The following MICAL3 variants were observed in gnomAD, a reference collection of about 807,000 sequenced individuals.
The protein encoded by MICAL3 is microtubule associated monooxygenase, calponin and LIM domain containing 3.
Under a neutral mutation model 207.4 loss-of-function variants are expected in MICAL3, and 62 were observed. The observed-to-expected ratio is 0.30, with a 90% CI of 0.24 to 0.37. MICAL3 has a LOEUF of 0.37. Ranked by LOEUF, MICAL3 falls within the 10% of genes least tolerant of loss-of-function variation. The pLI, the probability that MICAL3 is intolerant of heterozygous loss-of-function variation, is 1.00. For synonymous variants in MICAL3, 1,077 were observed against 1,069.3 expected, an observed-to-expected ratio of 1.01 and a Z score of -0.14; for missense variants, 2,368 against 2,635.6, an observed-to-expected ratio of 0.90 and a Z score of 2.22.
At chr22:17,848,092 T>A (rs1379525174) in intron 19 of MICAL3, among the ~76,000 whole-genome samples, 1 of 152,182 alleles carries the variant, frequency 6.6e-6, no homozygotes, top group African/African-American at 2.4e-5. Flanking sequence ...AGGGGAGATG[T>A]AAGGAAGAGA....
intron 16 of MICAL3, chr22:17,884,462 G>A (rs902132457): frequency 1.3e-5 from 11 of 818,238 alleles, no homozygotes; most frequent in Non-Finnish European, 2.1e-5. Context: ...ACAGGCGACA[G>A]CCCCATATCT....
intron 1 of MICAL3, among the ~76,000 whole-genome samples, chr22:18,021,214 G>C (rs1290595250): frequency 1.3e-5 from 2 of 152,168 alleles, no homozygotes; most frequent in Non-Finnish European, 2.9e-5. Flanking sequence ...GGCAGGGAGG[G>C]GTAATAGAAA....
rs1344627953 is a variant in MICAL3, at chr22:17,906,729, G to A, written c.84C>T (p.Thr28=). The A allele has an allele frequency of 1.9e-6, 3 of 1,613,752 alleles. No homozygotes were observed. Among genetic ancestry groups the A allele is most frequent in the Admixed American group, 3.3e-5 (2 of 59,994 alleles). ...RFVQATTCKG[T]LKAFQELCDH... ...CACAGAGCTCCTGGAAAGCCTTGAG[G>A]GTTCCCTTGCAGGTGGTGGCCTGGA... Residue 28 remains threonine (T), a synonymous_variant, in exon 2 of 32, where the codon ACC becomes ACT. Transcript: ENST00000441493.
At chr22:17,956,654 G>T (rs12158823) in intron 1 of MICAL3, among the ~76,000 whole-genome samples, 2 of 152,038 alleles carry the variant, frequency 1.3e-5, no homozygotes, top group Non-Finnish European at 2.9e-5. Flanking sequence ...GGGCACAGCC[G>T]ACTCCTGCAC....
At chr22:17,802,908 G>GA (rs2061954366) in intron 29 of MICAL3, among the ~76,000 whole-genome samples, 1 of 152,180 alleles carries the variant, frequency 6.6e-6, no homozygotes, top group African/African-American at 2.4e-5. Context: ...CTGCCCAGGA[G>GA]AAAAGCTGCC....
chr22:17,865,076 G>C, intron 18 of MICAL3, 90 bp from the exon 19 acceptor site: 1 of 1,021,084 alleles, frequency 9.8e-7, no homozygotes, highest in Non-Finnish European at 1.3e-6. Context: ...CTGACACGCT[G>C]GTTTTAAATT....
chr22:17,949,022 C>G (rs2146353741), intron 1 of MICAL3, among the ~76,000 whole-genome samples: 1 of 151,326 alleles, frequency 6.6e-6, no homozygotes, highest in Admixed American at 6.6e-5. Flanking sequence ...CCAACCTGCC[C>G]AACATGGTGA....
intron 1 of MICAL3, among the ~76,000 whole-genome samples, chr22:17,907,617 T>C (rs1337502369): frequency 2.6e-5 from 4 of 151,742 alleles, no homozygotes. Context: ...AGCAGGAAGA[T>C]CACGAAAGGA....
intron 29 of MICAL3, among the ~76,000 whole-genome samples, chr22:17,802,022 G>C (rs1277844953): frequency 6.6e-6 from 1 of 151,868 alleles, no homozygotes; most frequent in African/African-American, 2.4e-5. Context: ...AAAGAAACGC[G>C]TTCTGACGGC....
chr22:17,872,115 A>C (rs1927783358), intron 16 of MICAL3, 92 bp from the exon 17 acceptor site: 2 of 1,097,028 alleles, frequency 1.8e-6, no homozygotes, highest in Admixed American at 4.8e-5. Flanking sequence ...AGCAAAGCCA[A>C]CCCTCACTAA....
At chr22:17,895,118 T>A (rs763286124) in intron 10 of MICAL3, among the ~76,000 whole-genome samples, 166 bp downstream of exon 10, 1 of 152,238 alleles carries the variant, frequency 6.6e-6, no homozygotes. Flanking sequence ...AATCTGTTGA[T>A]GGAAAATGCT....
intron 1 of MICAL3, among the ~76,000 whole-genome samples, chr22:18,017,360 C>T (rs948905163): frequency 2.6e-5 from 4 of 151,620 alleles, no homozygotes; most frequent in African/African-American, 7.3e-5. Context: ...ATTACAGGTG[C>T]CTGATACCAT....
intron 19 of MICAL3, among the ~76,000 whole-genome samples, chr22:17,852,300 C>A (rs74921418): frequency 6.6e-6 from 1 of 152,188 alleles, no homozygotes; most frequent in African/African-American, 2.4e-5. Context: ...CCCTGTAAAA[C>A]GTCAATCACA....
At chr22:18,011,399 G>C (rs1440810107) in intron 1 of MICAL3, among the ~76,000 whole-genome samples, 1 of 151,834 alleles carries the variant, frequency 6.6e-6, no homozygotes, top group African/African-American at 2.4e-5. Flanking sequence ...TACAAAACTA[G>C]CCAGGCATGG....
intron 1 of MICAL3, among the ~76,000 whole-genome samples, chr22:17,988,746 G>A (rs969181685): frequency 1.3e-5 from 2 of 152,190 alleles, no homozygotes; most frequent in Admixed American, 6.5e-5. Context: ...ATGAGCCACC[G>A]CGCCTGGCCT....
chr22:17,895,376 G>A lies in MICAL3; in HGVS notation c.1357C>T (p.Pro453Ser). Reference sequence around the variant, plus strand: ...CTGAAGTTCTTACTCACATTCTCAGGGGTGGTCTGAGGCAGCAACCTGTAA... The same window carrying A: ...CTGAAGTTCTTACTCACATTCTCAGAGGTGGTCTGAGGCAGCAACCTGTAA... ...SIYRLLPQTT[P>S]ENVSKNFSQY... Residue 453 changes from proline (P) to serine (S), a missense_variant, in exon 10 of 32, where the codon CCT becomes TCT. Pro to Ser is a moderately conservative substitution (Grantham distance 74). This residue lies in a region of MICAL3 where 147 missense variants were observed against 137.7 expected (regional missense o/e 1.07). Coordinates refer to ENST00000441493, the MANE Select transcript of MICAL3 (RefSeq NM_015241.3). The A allele has an allele frequency of 1.2e-6, 2 of 1,613,622 alleles. No homozygotes were observed. The highest frequency in any genetic ancestry group is 8.5e-7 in the Non-Finnish European group (1 of 1,179,704).
At chr22:17,853,643 C>T (rs1256061963) in intron 19 of MICAL3, among the ~76,000 whole-genome samples, 1 of 152,190 alleles carries the variant, frequency 6.6e-6, no homozygotes, top group Non-Finnish European at 1.5e-5. Context: ...AAAAATTTTA[C>T]ACATGGTGAA....
chr22:17,878,839 AC>A (rs1454035559), intron 16 of MICAL3, among the ~76,000 whole-genome samples: 1 of 152,062 alleles, frequency 6.6e-6, no homozygotes, highest in Non-Finnish European at 1.5e-5. Flanking sequence ...TTTTGCCATC[AC>A]CTACCTTTCT....
At chr22:18,001,955 T>G (rs542405874) in intron 1 of MICAL3, among the ~76,000 whole-genome samples, 1 of 151,932 alleles carries the variant, frequency 6.6e-6, no homozygotes, top group Non-Finnish European at 1.5e-5. Context: ...CCCAACACTT[T>G]GGGGAGCCGA....
Sources: gnomAD v4.1 joint callset for allele counts (sites outside exome capture counted in the v4.1 genomes callset) on GRCh38, gnomAD v4.1.1 for gene constraint, gnomAD v4.1.1 regional missense constraint, MANE v1.5 for transcripts, NCBI Gene and HGNC (gene_info 2026-07-23, HGNC 2026-07-21) for gene names.